SLC7A7: variants seen among roughly 807,000 people sequenced by gnomAD.
SLC7A7 encodes Y+L amino acid transporter 1.
A neutral mutation model predicts 47.9 loss-of-function variants in SLC7A7; 39 were observed. That is an observed-to-expected ratio of 0.81 (90% CI 0.63 to 1.06). The LOEUF (loss-of-function observed/expected upper bound fraction) is 1.06. Ranked by LOEUF, SLC7A7 falls within the 50% of genes least tolerant of loss-of-function variation. The probability of loss-of-function intolerance (pLI) is 0.00; values close to 1 mark genes in which losing one functional copy is unlikely to be tolerated. For synonymous variants in SLC7A7, 234 were observed against 242.8 expected (o/e 0.96, Z 0.34); for missense variants, 588 against 632.0 (o/e 0.93, Z 0.75).
At chr14:22,773,879 A>C (rs1460213834) in intron 9 of SLC7A7, 54 bp downstream of exon 9, 17 of 1,608,588 alleles carry the variant, frequency 1.1e-5, no homozygotes, top group Non-Finnish European at 1.4e-5. Flanking sequence ...TTACAGAAAA[A>C]GGCAAAAACC....
intron 1 of SLC7A7, among the ~76,000 whole-genome samples, 198 bp from the exon 2 acceptor site, chr14:22,813,638 G>T (rs968289538): frequency 1.3e-5 from 2 of 152,048 alleles, no homozygotes; most frequent in Non-Finnish European, 2.9e-5. Flanking sequence ...TTTATTTATT[G>T]ACAGAGTCTC....
chr14:22,814,342 T>C (rs2039373974), intron 1 of SLC7A7, among the ~76,000 whole-genome samples: 1 of 151,604 alleles, frequency 6.6e-6, no homozygotes, highest in South Asian at 2.1e-4. Flanking sequence ...AAATTAGCCA[T>C]GCGTGGTGGC....
intron 2 of SLC7A7, among the ~76,000 whole-genome samples, chr14:22,789,116 G>C (rs187201460): frequency 1.3e-5 from 2 of 152,102 alleles, no homozygotes; most frequent in Admixed American, 1.3e-4. Flanking sequence ...CCTTCTGCTC[G>C]TACTTCACTA....
intron 2 of SLC7A7, among the ~76,000 whole-genome samples, chr14:22,808,585 T>G (rs1302151663): frequency 6.6e-6 from 1 of 152,156 alleles, no homozygotes; most frequent in Non-Finnish European, 1.5e-5. Flanking sequence ...GGCAGGCAGA[T>G]AGCTTGAGCC....
chr14:22,801,637 G>C (rs1403326996), intron 2 of SLC7A7, among the ~76,000 whole-genome samples: 1 of 152,122 alleles, frequency 6.6e-6, no homozygotes, highest in African/African-American at 2.4e-5. Flanking sequence ...AATTAGCTGA[G>C]CATGGTGGTG....
chr14:22,776,971 AAAAC>A (rs932192947), intron 4 of SLC7A7, among the ~76,000 whole-genome samples: 6 of 93,584 alleles, frequency 6.4e-5, no homozygotes, highest in African/African-American at 3.0e-4. Flanking sequence ...TCTGTCTCCA[AAAAC>A]AAACCAAAAA....
chr14:22,795,778 T>G (rs933130249), intron 2 of SLC7A7, among the ~76,000 whole-genome samples: 1 of 152,098 alleles, frequency 6.6e-6, no homozygotes, highest in Non-Finnish European at 1.5e-5. Flanking sequence ...CGGCCTTGTT[T>G]TCTTAATTCT....
At chr14:22,816,941 T>C (rs2138673086), upstream of SLC7A7, among the ~76,000 whole-genome samples, 1 of 152,126 alleles carries the variant, frequency 6.6e-6, no homozygotes, top group East Asian at 1.9e-4. Context: ...TCTCCTTTTC[T>C]CCAAAATGCT....
At chr14:22,795,618 G>A (rs1342699082) in intron 2 of SLC7A7, among the ~76,000 whole-genome samples, 3 of 151,884 alleles carry the variant, frequency 2.0e-5, no homozygotes, top group Non-Finnish European at 4.4e-5. Context: ...GGGACCACAG[G>A]CGCCTGCCAC....
At chr14:22,786,750 A>G (rs1245652040) in intron 2 of SLC7A7, among the ~76,000 whole-genome samples, 1 of 152,154 alleles carries the variant, frequency 6.6e-6, no homozygotes, top group Non-Finnish European at 1.5e-5. Flanking sequence ...CCTGGGCAAC[A>G]TTGTGAGAAC....
chr14:22,773,742 T>C (rs771945784), intron 9 of SLC7A7, 26 bp from the exon 10 acceptor site: 6 of 1,610,040 alleles, frequency 3.7e-6, no homozygotes, highest in Admixed American at 1.7e-5. Flanking sequence ...TGAGTTGGAA[T>C]TGAGAAGAGG....
intron 2 of SLC7A7, among the ~76,000 whole-genome samples, chr14:22,796,691 G>A (rs1026106738): frequency 1.3e-5 from 2 of 152,188 alleles, no homozygotes; most frequent in Admixed American, 6.5e-5. Flanking sequence ...AAAACAACTA[G>A]GTCTCAGTGT....
Position 22,813,294 on chromosome 14 carries a change from C to T in SLC7A7, c.105G>A (p.Lys35=), listed in dbSNP as rs753833842. The T allele has an allele frequency of 2.5e-6, 4 of 1,614,188 alleles. No individual in the cohort carries two copies. In the South Asian group the frequency reaches 4.4e-5, roughly 18 times the overall value. The change falls in exon 2 of 10, where the codon AAG becomes AAA. Residue 35 remains lysine (K), a synonymous_variant. Coordinates refer to ENST00000674313, the MANE Select transcript of SLC7A7 (RefSeq NM_003982.4). ...ACACGCCGTTAAGCAGTGAGATCTC[C>T]TTCTTCAGCTTCACCTGCTCCGGCC... is the stretch of plus-strand genomic sequence containing the variant. ...SPGPEQVKLK[K]EISLLNGVCL...
intron 5 of SLC7A7, 32 bp from the exon 6 acceptor site, chr14:22,775,968 G>A: frequency 6.4e-7 from 1 of 1,551,288 alleles, no homozygotes; most frequent in Non-Finnish European, 8.9e-7. Flanking sequence ...GTCATTAGCA[G>A]GATCTAAAAG....
chr14:22,792,372 G>C (rs2038938772), intron 2 of SLC7A7, among the ~76,000 whole-genome samples: 1 of 152,066 alleles, frequency 6.6e-6, no homozygotes, highest in South Asian at 2.1e-4. Flanking sequence ...AGACCAGCCT[G>C]GGCAGCATAG....
At chr14:22,793,727 A>C (rs533040856) in intron 2 of SLC7A7, among the ~76,000 whole-genome samples, 5 of 152,012 alleles carry the variant, frequency 3.3e-5, no homozygotes, top group Non-Finnish European at 7.4e-5. Context: ...GAGGCAGGAG[A>C]ATTACTTCAA....
chr14:22,806,983 C>T (rs954041028), intron 2 of SLC7A7, among the ~76,000 whole-genome samples: 3 of 151,586 alleles, frequency 2.0e-5, no homozygotes, highest in African/African-American at 4.9e-5. Context: ...CTGCAAGCTC[C>T]GCTTCCCGGG....
intron 2 of SLC7A7, among the ~76,000 whole-genome samples, chr14:22,799,850 A>G (rs541814959): frequency 2.9e-4 from 44 of 152,296 alleles, no homozygotes; most frequent in African/African-American, 1.0e-3. Context: ...TGAATATTCA[A>G]CCACCTACTG....
intron 2 of SLC7A7, among the ~76,000 whole-genome samples, chr14:22,804,572 T>G (rs1311634933): frequency 6.6e-6 from 1 of 151,870 alleles, no homozygotes; most frequent in Non-Finnish European, 1.5e-5. Flanking sequence ...CAAACACTTC[T>G]CAAAAGAGGA....
Sources: gnomAD v4.1 joint callset for allele counts (sites outside exome capture counted in the v4.1 genomes callset) on GRCh38, gnomAD v4.1.1 for gene constraint, MANE v1.5 for transcripts, NCBI Gene and HGNC (gene_info 2026-07-23, HGNC 2026-07-21) for gene names.